Variants in NRG1 observed in about 807,000 individuals in gnomAD.
NRG1 encodes pro-neuregulin-1, membrane-bound isoform.
Under a neutral mutation model 63.8 loss-of-function variants are expected in NRG1, and 18 were observed. The observed-to-expected ratio is 0.28, with a 90% CI of 0.19 to 0.42. The LOEUF (loss-of-function observed/expected upper bound fraction) is 0.42, where lower values mean the gene tolerates loss of function less well. Ranked by LOEUF, NRG1 falls within the 10% of genes least tolerant of loss-of-function variation. The probability of loss-of-function intolerance (pLI) is 1.00; values close to 1 mark genes in which losing one functional copy is unlikely to be tolerated. For missense variants in NRG1, 762 were observed against 814.7 expected, an observed-to-expected ratio of 0.94 and a Z score of 0.79; for synonymous variants, 302 against 301.3, an observed-to-expected ratio of 1.00 and a Z score of -0.02.
Position 32,015,068 on chromosome 8 carries a change from C to A in NRG1, c.37+375637C>A, listed in dbSNP as rs139480578. ...TTCAGACTTCTGACCTCTAGAGCTG[C>A]AGGATGATAAATTTCTGTTGTTTAG... On this transcript the variant is annotated intron_variant, in intron 1 of 10. Transcript: ENST00000519301. 9.2e-4 allele frequency among the ~76,000 whole-genome samples: 140 copies of A among 152,250 alleles called. 1 individual carries two copies. Among genetic ancestry groups the A allele is most frequent in the Middle Eastern group, 3.4e-3 (1 of 294 alleles).
At chr8:31,918,584 T>G in intron 1 of NRG1, among the ~76,000 whole-genome samples, 1 of 152,182 alleles carries the variant, frequency 6.6e-6, no homozygotes, top group East Asian at 1.9e-4. Context: ...CTTTTTGATG[T>G]GCTGCTGGAT....
intron 1 of NRG1, among the ~76,000 whole-genome samples, chr8:32,088,521 C>CTTT (rs35307615): frequency 1.5e-4 from 22 of 142,992 alleles, no homozygotes; most frequent in South Asian, 2.2e-4. Context: ...CAAGTCATCA[C>CTTT]TTTTTTTTTT....
At chr8:32,372,696 G>A (rs1376208458) in intron 1 of NRG1, among the ~76,000 whole-genome samples, 1 of 152,156 alleles carries the variant, frequency 6.6e-6, no homozygotes, top group Non-Finnish European at 1.5e-5. Flanking sequence ...TTTGAATCTG[G>A]GGAGAAGTCA....
chr8:31,900,213 TA>T (rs1831956894), intron 1 of NRG1, among the ~76,000 whole-genome samples: 1 of 152,192 alleles, frequency 6.6e-6, no homozygotes, highest in Non-Finnish European at 1.5e-5. Flanking sequence ...TGAAAATACT[TA>T]AGTAATTAAC....
At chr8:32,204,984 TA>T (rs1270568856) in intron 1 of NRG1, among the ~76,000 whole-genome samples, 1 of 152,148 alleles carries the variant, frequency 6.6e-6, no homozygotes, top group Non-Finnish European at 1.5e-5. Context: ...ACAAATTAAG[TA>T]ACTAATTAAA....
chr8:31,688,380 C>A (rs1809129689), intron 1 of NRG1, among the ~76,000 whole-genome samples: 2 of 152,132 alleles, frequency 1.3e-5, no homozygotes, highest in South Asian at 2.1e-4. Context: ...GAGAAGGAAC[C>A]ATCTGTGAGG....
intron 1 of NRG1, among the ~76,000 whole-genome samples, chr8:32,323,102 T>TA (rs900903465): frequency 2.0e-5 from 3 of 152,014 alleles, no homozygotes; most frequent in Non-Finnish European, 2.9e-5. Context: ...CACAAAGCTT[T>TA]AAAAAAAGCC....
intron 1 of NRG1, among the ~76,000 whole-genome samples, chr8:31,795,750 G>T (rs897080139): frequency 2.0e-5 from 3 of 152,014 alleles, no homozygotes; most frequent in South Asian, 2.1e-4. Context: ...CGTATGTTGG[G>T]CAGCCTCCTA....
intron 1 of NRG1, among the ~76,000 whole-genome samples, chr8:31,805,842 A>AG (rs1024241958): frequency 6.6e-5 from 10 of 151,756 alleles, no homozygotes; most frequent in Non-Finnish European, 1.2e-4. Context: ...AAAAAAAAAA[A>AG]AAAAGATGAA....
intron 1 of NRG1, among the ~76,000 whole-genome samples, chr8:31,852,407 C>A (rs1827338173): frequency 6.6e-6 from 1 of 152,082 alleles, no homozygotes; most frequent in Non-Finnish European, 1.5e-5. Flanking sequence ...TAAATGTCTT[C>A]TTTTGAGAAG....
At position 32,468,262 on chromosome 8, in the gene NRG1, C is replaced by T. The variant is rs767185054; in HGVS notation, c.38-127566C>T. Among the ~76,000 whole-genome samples, 39 of 152,102 alleles carry T rather than the reference C, an allele frequency of 2.6e-4. 1 individual carries two copies. The highest frequency in any genetic ancestry group is 4.1e-4 in the Non-Finnish European group (28 of 68,022). On this transcript the variant is annotated intron_variant, in intron 1 of 10. Transcript: ENST00000519301. ...CAGTCCAGCTTAGCCTCCTTATAAG[C>T]GATTAATCTTACTTTTCCTCTTAGC...
At chr8:32,335,607 T>C (rs1803165219) in intron 1 of NRG1, among the ~76,000 whole-genome samples, 1 of 152,068 alleles carries the variant, frequency 6.6e-6, no homozygotes, top group African/African-American at 2.4e-5. Context: ...GGAAAACAAG[T>C]AATAAAAGAG....
intron 1 of NRG1, among the ~76,000 whole-genome samples, chr8:31,858,345 A>G (rs1234780841): frequency 1.3e-5 from 2 of 152,104 alleles, no homozygotes; most frequent in Non-Finnish European, 2.9e-5. Flanking sequence ...AACGTTGACC[A>G]TTCTATGATC....
At chr8:32,391,278 G>T (rs976887243) in intron 1 of NRG1, among the ~76,000 whole-genome samples, 1 of 151,998 alleles carries the variant, frequency 6.6e-6, no homozygotes, top group Non-Finnish European at 1.5e-5. Flanking sequence ...TTACAGGCAT[G>T]CACCACCATG....
chr8:31,870,309 G>A (rs1428189559), intron 1 of NRG1, among the ~76,000 whole-genome samples: 1 of 151,988 alleles, frequency 6.6e-6, no homozygotes, highest in East Asian at 1.9e-4. Context: ...AGAAGGTAAG[G>A]AACCCAATTA....
intron 1 of NRG1, among the ~76,000 whole-genome samples, chr8:32,179,380 G>C (rs1191849384): frequency 1.3e-5 from 2 of 151,910 alleles, no homozygotes; most frequent in African/African-American, 4.8e-5. Context: ...TTACCCCCAG[G>C]GAAATACAAG....
intron 1 of NRG1, among the ~76,000 whole-genome samples, chr8:32,214,343 A>G (rs1255010715): frequency 1.3e-5 from 2 of 152,238 alleles, no homozygotes. Flanking sequence ...TTTTCAACAA[A>G]GTTGGAAACA....
chr8:32,519,020 C>T (rs1168278761), intron 1 of NRG1, among the ~76,000 whole-genome samples: 4 of 152,192 alleles, frequency 2.6e-5, no homozygotes, highest in African/African-American at 4.8e-5. Flanking sequence ...GACAAAATTA[C>T]GTTGTTATTA....
intron 1 of NRG1, among the ~76,000 whole-genome samples, chr8:32,510,515 T>C (rs1485825793): frequency 1.3e-5 from 2 of 151,690 alleles, no homozygotes; most frequent in African/African-American, 4.8e-5. Flanking sequence ...GCTAAAGAAA[T>C]AAAAAAGTAC....
Sources: allele counts gnomAD v4.1 joint callset (sites outside exome capture counted in the v4.1 genomes callset), GRCh38; gene constraint gnomAD v4.1.1; transcripts MANE v1.5; gene names NCBI Gene and HGNC (gene_info 2026-07-23, HGNC 2026-07-21).